The following PTPRD variants were observed in gnomAD, a reference collection of about 807,000 sequenced individuals.
The protein encoded by PTPRD is protein tyrosine phosphatase receptor type D.
PTPRD carries 34 observed loss-of-function variants against 214.5 expected under a neutral mutation model. The ratio of observed to expected loss-of-function variants is 0.16; its 90% CI spans 0.12 to 0.21. The LOEUF (loss-of-function observed/expected upper bound fraction) is 0.21, where lower values mean the gene tolerates loss of function less well. Ranked by LOEUF, PTPRD falls within the 10% of genes least tolerant of loss-of-function variation. PTPRD has a pLI of 1.00. For missense variants in PTPRD, 2,545 were observed against 2,398.7 expected, an observed-to-expected ratio of 1.06 and a Z score of -1.27; for synonymous variants, 1,128 against 845.7, an observed-to-expected ratio of 1.33 and a Z score of -5.79.
intron 11 of PTPRD, among the ~76,000 whole-genome samples, chr9:8,795,963 A>C (rs1422292479): frequency 6.6e-6 from 1 of 152,226 alleles, no homozygotes; most frequent in Non-Finnish European, 1.5e-5. Context: ...CTATGGAGCA[A>C]AGTTCTTTTA....
At chr9:10,591,602 G>A (rs1434670088) in intron 2 of PTPRD, among the ~76,000 whole-genome samples, 1 of 151,958 alleles carries the variant, frequency 6.6e-6, no homozygotes, top group Non-Finnish European at 1.5e-5. Context: ...AACAGAAAAC[G>A]AGGTCACACC....
At chr9:8,358,692 G>T (rs527306752) in intron 39 of PTPRD, among the ~76,000 whole-genome samples, 1 of 152,032 alleles carries the variant, frequency 6.6e-6, no homozygotes, top group Non-Finnish European at 1.5e-5. Context: ...TTTTAATTCA[G>T]TTAGCCTAAC....
At chr9:10,351,882 G>C (rs1291158663) in intron 2 of PTPRD, among the ~76,000 whole-genome samples, 1 of 151,986 alleles carries the variant, frequency 6.6e-6, no homozygotes, top group African/African-American at 2.4e-5. Flanking sequence ...GGTCACAAAT[G>C]GAGATGGGCA....
At chr9:10,573,312 G>T (rs187135556) in intron 2 of PTPRD, among the ~76,000 whole-genome samples, 98 of 152,226 alleles carry the variant, frequency 6.4e-4, no homozygotes, top group African/African-American at 2.3e-3. Context: ...ATCTATTCCT[G>T]TTTGCGCATG....
intron 3 of PTPRD, among the ~76,000 whole-genome samples, chr9:10,283,736 CTGAT>C (rs757088079): frequency 6.6e-6 from 1 of 152,176 alleles, no homozygotes; most frequent in Non-Finnish European, 1.5e-5. Flanking sequence ...AAACTTTCAT[CTGAT>C]TGACCTAATA....
At chr9:10,241,702 G>A (rs144088251) in intron 3 of PTPRD, among the ~76,000 whole-genome samples, 51 of 151,956 alleles carry the variant, frequency 3.4e-4, no homozygotes, top group African/African-American at 1.2e-3. Flanking sequence ...GTGGAGGAAC[G>A]GTTATTATAA....
chr9:9,016,328 A>T (rs539439113), intron 11 of PTPRD, among the ~76,000 whole-genome samples: 4 of 152,184 alleles, frequency 2.6e-5, no homozygotes, highest in African/African-American at 9.6e-5. Context: ...TGTAATATAC[A>T]TGGGCTGTGG....
chr9:9,701,884 C>T (rs4740984), intron 7 of PTPRD, among the ~76,000 whole-genome samples: 90 of 151,886 alleles, frequency 5.9e-4, no homozygotes, highest in African/African-American at 1.7e-3. Flanking sequence ...TTTGGGAGGC[C>T]GAGGCGGGTG....
intron 14 of PTPRD, among the ~76,000 whole-genome samples, chr9:8,614,409 T>C (rs944075532): frequency 1.3e-5 from 2 of 152,174 alleles, no homozygotes; most frequent in African/African-American, 2.4e-5. Flanking sequence ...TATAGGTTTA[T>C]TCATAGTAAA....
intron 4 of PTPRD, among the ~76,000 whole-genome samples, chr9:9,983,060 C>CAA (rs59328972): frequency 1.4e-5 from 2 of 147,488 alleles, no homozygotes; most frequent in Non-Finnish European, 1.5e-5. Context: ...TATGTTATAC[C>CAA]AAAAAAAAAA....
At chr9:9,420,619 A>G (rs2078425644) in intron 8 of PTPRD, among the ~76,000 whole-genome samples, 1 of 151,942 alleles carries the variant, frequency 6.6e-6, no homozygotes, top group African/African-American at 2.4e-5. Flanking sequence ...TGTTTAATGC[A>G]AGCTTCTTTG....
intron 8 of PTPRD, among the ~76,000 whole-genome samples, chr9:9,415,080 T>C (rs2076605016): frequency 6.6e-6 from 1 of 152,206 alleles, no homozygotes; most frequent in Non-Finnish European, 1.5e-5. Flanking sequence ...TATTAAGTAT[T>C]GTGTAATTAT....
intron 14 of PTPRD, among the ~76,000 whole-genome samples, chr9:8,620,930 T>C (rs900719324): frequency 6.6e-6 from 1 of 152,040 alleles, no homozygotes; most frequent in Non-Finnish European, 1.5e-5. Context: ...CTTAGATCCC[T>C]TGGCCCCATC....
intron 7 of PTPRD, among the ~76,000 whole-genome samples, chr9:9,589,429 A>G (rs1372318157): frequency 6.6e-6 from 1 of 151,970 alleles, no homozygotes; most frequent in Non-Finnish European, 1.5e-5. Context: ...AAAATATAGA[A>G]CAAGTAATAC....
At chr9:9,078,781 C>G (rs144551706) in intron 10 of PTPRD, among the ~76,000 whole-genome samples, 1 of 152,100 alleles carries the variant, frequency 6.6e-6, no homozygotes, top group East Asian at 1.9e-4. Flanking sequence ...TGGGATGGCC[C>G]TTCAGAATTG....
At chr9:10,222,829 G>A (rs1773724946) in intron 3 of PTPRD, among the ~76,000 whole-genome samples, 1 of 151,958 alleles carries the variant, frequency 6.6e-6, no homozygotes, top group Non-Finnish European at 1.5e-5. Flanking sequence ...GAAAGAAAAG[G>A]AAGGAAACTT....
intron 3 of PTPRD, among the ~76,000 whole-genome samples, chr9:10,174,434 C>G (rs1311564324): frequency 3.3e-5 from 5 of 151,972 alleles, no homozygotes; most frequent in Admixed American, 3.3e-4. Context: ...AAAATGAGGC[C>G]CTCAACAGAA....
rs117885114 is a variant in PTPRD at position 9,143,069 on chromosome 9, G to A, written c.-143+40235C>T. Reference sequence around the variant, plus strand: ...CAGTACCCATTCTCTCCTCTCACCCGTCTGGATGGTAACATTTCACTACCA... The same window carrying A: ...CAGTACCCATTCTCTCCTCTCACCCATCTGGATGGTAACATTTCACTACCA... On this transcript the variant is annotated intron_variant, in intron 10 of 45. Coordinates refer to ENST00000381196, the MANE Select transcript of PTPRD (RefSeq NM_002839.4). Among the ~76,000 whole-genome samples, 173 of 152,122 alleles carry A rather than the reference G, an allele frequency of 1.1e-3. 4 individuals carry two copies. The East Asian group carries it at 0.03, about 26-fold the overall frequency.
chr9:9,403,421 T>TTCTCTCTCTCTC (rs150192743), intron 8 of PTPRD, among the ~76,000 whole-genome samples: 9 of 149,780 alleles, frequency 6.0e-5, no homozygotes, highest in East Asian at 3.9e-4. Flanking sequence ...CTCTCTCTCT[T>TTCTCTCTCTCTC]TCTCTCTCTC....
Sources: gnomAD v4.1 joint callset for allele counts (sites outside exome capture counted in the v4.1 genomes callset) on GRCh38, gnomAD v4.1.1 for gene constraint, MANE v1.5 for transcripts, NCBI Gene and HGNC (gene_info 2026-07-23, HGNC 2026-07-21) for gene names.